Variants in CERKL observed in about 807,000 individuals in gnomAD.
CERKL encodes the protein ceramide kinase-like protein.
In CERKL, 61 loss-of-function variants were observed where a neutral mutation model predicts 63.4. The ratio of observed to expected loss-of-function variants is 0.96; its 90% CI spans 0.78 to 1.19. The LOEUF is 1.19. Ranked by LOEUF, CERKL falls within the 50% of genes most tolerant of loss-of-function variation. CERKL has a pLI of 0.00. For synonymous variants in CERKL, 250 were observed against 230.5 expected (o/e 1.08, Z -0.77); for missense variants, 675 against 655.5 (o/e 1.03, Z -0.33).
At chr2:181,549,243 A>G (rs1407927472) in intron 6 of CERKL, among the ~76,000 whole-genome samples, 1 of 152,182 alleles carries the variant, frequency 6.6e-6, no homozygotes, top group Non-Finnish European at 1.5e-5. Context: ...TACTGGCTGA[A>G]ATTTTTTTCT....
At chr2:181,595,245 A>ATT (rs1224737148) in intron 2 of CERKL, among the ~76,000 whole-genome samples, 8 of 149,602 alleles carry the variant, frequency 5.3e-5, no homozygotes, top group African/African-American at 2.0e-4. Context: ...AATGTCTGCC[A>ATT]TTTTTTTTTT....
intron 12 of CERKL, among the ~76,000 whole-genome samples, chr2:181,538,576 C>T (rs756991023): frequency 6.6e-6 from 1 of 152,100 alleles, no homozygotes; most frequent in Non-Finnish European, 1.5e-5. Flanking sequence ...ACCAAGAATG[C>T]GTTTGCAGGT....
At chr2:181,611,560 C>A (rs1185064500) in intron 1 of CERKL, among the ~76,000 whole-genome samples, 1 of 152,092 alleles carries the variant, frequency 6.6e-6, no homozygotes, top group Admixed American at 6.5e-5. Flanking sequence ...TGGTGCTTTC[C>A]TGTGGTCCCA....
chr2:181,539,346 A>T, intron 11 of CERKL, 82 bp from the exon 12 acceptor site: 1 of 871,400 alleles, frequency 1.1e-6, no homozygotes, highest in Non-Finnish European at 1.9e-6. Flanking sequence ...GCCCTCTCTC[A>T]CAAGTAAATA....
rs1047433505 is a variant in CERKL, at chr2:181,600,397, C to T, written c.481+3440G>A. On this transcript the variant is annotated intron_variant, in intron 2 of 12. Transcript: ENST00000410087. ...ACTTAGAACATAAATGGCCTAAATG[C>T]TCCACTTAAAGGACATAAAGTGGCA... Among the ~76,000 whole-genome samples the T allele has an allele frequency of 2.6e-5, 4 of 152,210 alleles. No individual in the cohort carries two copies. In the South Asian group the frequency reaches 8.3e-4, roughly 31 times the overall value.
chr2:181,594,787 C>A (rs1274876874), intron 2 of CERKL, among the ~76,000 whole-genome samples: 1 of 152,076 alleles, frequency 6.6e-6, no homozygotes, highest in East Asian at 1.9e-4. Context: ...AAAACTATTA[C>A]CAGAATGCTT....
At chr2:181,619,804 C>T (rs1192328321) in intron 1 of CERKL, among the ~76,000 whole-genome samples, 2 of 152,238 alleles carry the variant, frequency 1.3e-5, no homozygotes, top group African/African-American at 2.4e-5. Flanking sequence ...GACATTTAAT[C>T]GCATATCAGA....
chr2:181,539,610 G>C (rs1687399728), intron 11 of CERKL, among the ~76,000 whole-genome samples: 1 of 152,126 alleles, frequency 6.6e-6, no homozygotes, highest in Admixed American at 6.6e-5. Context: ...TTATCAACTT[G>C]TCAATTAGTT....
chr2:181,608,074 G>A (rs574942758), intron 1 of CERKL, among the ~76,000 whole-genome samples: 5 of 152,114 alleles, frequency 3.3e-5, no homozygotes, highest in East Asian at 3.9e-4. Flanking sequence ...GTGTGACTGT[G>A]GTGCACTACA....
At position 181,541,154 on chromosome 2, in the gene CERKL, T is replaced by C. The variant is rs148381414; in HGVS notation, c.1366-1890A>G. Among the ~76,000 whole-genome samples, 693 of 152,306 alleles carry C rather than the reference T, an allele frequency of 4.6e-3. 8 individuals carry two copies. The highest frequency in any genetic ancestry group is 0.016 in the African/African-American group (659 of 41,556). On this transcript the variant is annotated intron_variant, in intron 11 of 12. Transcript: ENST00000410087. ...AAGAGACGATTAAGCTAAAATGATG[T>C]CTTTAGGCCCTCATCCAATACGACT... is the stretch of plus-strand genomic sequence containing the variant.
intron 4 of CERKL, among the ~76,000 whole-genome samples, chr2:181,563,209 T>C (rs1318731634): frequency 6.6e-6 from 1 of 152,118 alleles, no homozygotes; most frequent in African/African-American, 2.4e-5. Flanking sequence ...GGTTTAACAG[T>C]GGATCTTAGA....
intron 2 of CERKL, among the ~76,000 whole-genome samples, chr2:181,593,340 A>G (rs1467783824): frequency 6.6e-6 from 1 of 152,188 alleles, no homozygotes; most frequent in East Asian, 1.9e-4. Context: ...TGGGACAAGG[A>G]TAAGTAAGTC....
chr2:181,613,045 G>T (rs994501130), intron 1 of CERKL, among the ~76,000 whole-genome samples: 1 of 152,046 alleles, frequency 6.6e-6, no homozygotes, highest in Admixed American at 6.6e-5. Flanking sequence ...GTGATTTTCA[G>T]GTATTAGCAA....
intron 2 of CERKL, among the ~76,000 whole-genome samples, chr2:181,592,251 T>C (rs995988809): frequency 5.3e-5 from 8 of 152,174 alleles, no homozygotes; most frequent in African/African-American, 1.9e-4. Flanking sequence ...TAAATGTTTC[T>C]CTCATCTCCT....
intron 1 of CERKL, among the ~76,000 whole-genome samples, chr2:181,645,512 G>A (rs1254540814): frequency 6.6e-6 from 1 of 152,188 alleles, no homozygotes; most frequent in African/African-American, 2.4e-5. Flanking sequence ...CTTGCCCTCT[G>A]GCTTAAAGTT....
intron 1 of CERKL, 51 bp downstream of exon 1, chr2:181,656,698 GTGTAGGCCTTGGGCCGGGGA>G: frequency 7.7e-7 from 1 of 1,302,076 alleles, no homozygotes; most frequent in Non-Finnish European, 1.1e-6. Context: ...AAGCTCGTGG[GTGTAGGCCTTGGGCCGGGGA>G]GAGGGAGGAA....
At chr2:181,575,747 A>G (rs1485961183) in intron 2 of CERKL, among the ~76,000 whole-genome samples, 1 of 152,208 alleles carries the variant, frequency 6.6e-6, no homozygotes, top group Non-Finnish European at 1.5e-5. Flanking sequence ...CAACTTCCTC[A>G]TCAAGGTCCA....
chr2:181,654,496 C>CA (rs1471170713), intron 1 of CERKL, among the ~76,000 whole-genome samples: 1 of 152,110 alleles, frequency 6.6e-6, no homozygotes, highest in East Asian at 1.9e-4. Flanking sequence ...AAAAACTAAG[C>CA]AATCTTGAAA....
intron 4 of CERKL, among the ~76,000 whole-genome samples, chr2:181,565,100 A>T (rs1298777401): frequency 6.6e-6 from 1 of 152,146 alleles, no homozygotes; most frequent in African/African-American, 2.4e-5. Flanking sequence ...AGCATTTCTG[A>T]AAAACAGCCC....
Sources: gnomAD v4.1 joint callset for allele counts (sites outside exome capture counted in the v4.1 genomes callset) on GRCh38, gnomAD v4.1.1 for gene constraint, MANE v1.5 for transcripts, NCBI Gene and HGNC (gene_info 2026-07-23, HGNC 2026-07-21) for gene names.